Variants in CSMD1 observed in about 807,000 individuals in gnomAD.
CSMD1 encodes CUB and sushi domain-containing protein 1.
CSMD1 carries 213 observed loss-of-function variants against 417.5 expected under a neutral mutation model. The ratio of observed to expected loss-of-function variants is 0.51; its 90% CI spans 0.46 to 0.57. The LOEUF (loss-of-function observed/expected upper bound fraction) is 0.57. Among genes scored for constraint, CSMD1 ranks in the 20% least tolerant of loss-of-function variants. CSMD1 has a pLI of 0.00. For synonymous variants in CSMD1, 2,862 were observed against 1,736.8 expected (o/e 1.65, Z -16.11); for missense variants, 6,923 against 4,529.7 (o/e 1.53, Z -15.17).
intron 1 of CSMD1, among the ~76,000 whole-genome samples, chr8:4,791,415 G>C (rs1797680968): frequency 6.6e-6 from 1 of 152,216 alleles, no homozygotes; most frequent in South Asian, 2.1e-4. Flanking sequence ...TTTATGTGTT[G>C]TGGGTGGGAC....
intron 55 of CSMD1, among the ~76,000 whole-genome samples, 187 bp downstream of exon 55, chr8:2,978,425 T>A (rs1196160136): frequency 2.0e-5 from 3 of 152,168 alleles, no homozygotes; most frequent in Non-Finnish European, 2.9e-5. Context: ...CCCTTCAAAT[T>A]TGCTGAAGTT....
At chr8:3,739,900 A>C (rs924017882) in intron 6 of CSMD1, among the ~76,000 whole-genome samples, 2 of 152,184 alleles carry the variant, frequency 1.3e-5, no homozygotes, top group African/African-American at 4.8e-5. Context: ...TGCTGGTTGC[A>C]GCCTTCAAGC....
At chr8:4,216,073 G>A (rs1363435967) in intron 3 of CSMD1, among the ~76,000 whole-genome samples, 1 of 152,158 alleles carries the variant, frequency 6.6e-6, no homozygotes, top group Non-Finnish European at 1.5e-5. Flanking sequence ...AGAAAGGGAG[G>A]TCACTATGCT....
intron 6 of CSMD1, among the ~76,000 whole-genome samples, chr8:3,752,695 A>AAAAAC (rs1554531831): frequency 9.5e-6 from 1 of 105,772 alleles, no homozygotes; most frequent in Non-Finnish European, 2.2e-5. Flanking sequence ...AAAAAAAAAA[A>AAAAAC]AAAAAAAAAC....
At chr8:4,507,846 G>T (rs1244814784) in intron 2 of CSMD1, among the ~76,000 whole-genome samples, 1 of 152,140 alleles carries the variant, frequency 6.6e-6, no homozygotes, top group Admixed American at 6.5e-5. Flanking sequence ...TGGAGCTGAA[G>T]GAAAAATTAT....
chr8:4,387,713 T>G (rs1377879522), intron 3 of CSMD1, among the ~76,000 whole-genome samples: 1 of 152,076 alleles, frequency 6.6e-6, no homozygotes, highest in Non-Finnish European at 1.5e-5. Flanking sequence ...CAATAGTACT[T>G]TATTTTAGCT....
At chr8:3,526,778 T>C (rs987377327) in intron 10 of CSMD1, among the ~76,000 whole-genome samples, 8 of 152,162 alleles carry the variant, frequency 5.3e-5, no homozygotes, top group African/African-American at 1.4e-4. Context: ...AAAACACACT[T>C]CCTAGTATTT....
intron 3 of CSMD1, among the ~76,000 whole-genome samples, chr8:4,166,566 A>T (rs548498525): frequency 1.3e-5 from 2 of 152,302 alleles, no homozygotes; most frequent in African/African-American, 4.8e-5. Context: ...GAGGATACAA[A>T]GGCATGAGAA....
intron 2 of CSMD1, among the ~76,000 whole-genome samples, chr8:4,558,090 A>G (rs1272717221): frequency 2.0e-5 from 3 of 152,216 alleles, no homozygotes; most frequent in Non-Finnish European, 4.4e-5. Flanking sequence ...TTCCACAAAC[A>G]TTTACTGAAA....
At position 4,426,121 on chromosome 8, in the gene CSMD1, G is replaced by C. The variant is rs1038358333; in HGVS notation, c.303-6056C>G. 3.3e-5 allele frequency among the ~76,000 whole-genome samples: 5 copies of C among 151,644 alleles called. No individual in the cohort carries two copies. The East Asian group carries it at 9.7e-4, about 29-fold the overall frequency. On this transcript the variant is annotated intron_variant, in intron 2 of 69. Transcript: ENST00000635120. ...AAAAAATCTTATCGCCTATGGATGT[G>C]ACAGAGAGACTGACATTAATTTCCA...
At chr8:3,495,457 G>C (rs541541509) in intron 10 of CSMD1, among the ~76,000 whole-genome samples, 396 of 152,270 alleles carry the variant, frequency 2.6e-3, no homozygotes, top group African/African-American at 9.2e-3. Context: ...GTGGAAAAAG[G>C]GCCATTCTGT....
chr8:4,953,729 A>G (rs933144231), intron 1 of CSMD1, among the ~76,000 whole-genome samples: 1 of 152,174 alleles, frequency 6.6e-6, no homozygotes, highest in Non-Finnish European at 1.5e-5. Context: ...CTGTTCCAAG[A>G]TTTGGATGGA....
chr8:4,833,381 T>A (rs116274116), intron 1 of CSMD1, among the ~76,000 whole-genome samples: 1,537 of 152,194 alleles, frequency 0.01, 19 homozygotes, highest in African/African-American at 0.035. Flanking sequence ...GACAACCAGC[T>A]CTCAAGAGAA....
intron 5 of CSMD1, among the ~76,000 whole-genome samples, chr8:3,924,427 A>C (rs1809494892): frequency 6.6e-6 from 1 of 152,126 alleles, no homozygotes; most frequent in African/African-American, 2.4e-5. Flanking sequence ...AGATTTGGAA[A>C]GCTTTTGTCA....
chr8:3,674,462 A>T (rs930456966), intron 7 of CSMD1, among the ~76,000 whole-genome samples: 1 of 152,180 alleles, frequency 6.6e-6, no homozygotes, highest in Non-Finnish European at 1.5e-5. Flanking sequence ...CATTATTATT[A>T]TAAACAAAAA....
chr8:3,222,854 T>G (rs984622503), intron 28 of CSMD1, among the ~76,000 whole-genome samples: 3 of 152,214 alleles, frequency 2.0e-5, no homozygotes, highest in African/African-American at 7.2e-5. Flanking sequence ...AAAATTCTAC[T>G]GACTCAGATC....
At chr8:3,489,108 T>G (rs2055338) in intron 11 of CSMD1, among the ~76,000 whole-genome samples, 21 of 151,918 alleles carry the variant, frequency 1.4e-4, no homozygotes, top group Admixed American at 1.4e-3. Flanking sequence ...TAATGGCTCT[T>G]CAGCAGTCTT....
intron 5 of CSMD1, among the ~76,000 whole-genome samples, chr8:3,902,217 A>T (rs1807802606): frequency 6.6e-6 from 1 of 152,040 alleles, no homozygotes; most frequent in Non-Finnish European, 1.5e-5. Flanking sequence ...ATTTTCTATG[A>T]TTTTCAGCCC....
chr8:4,672,130 G>T (rs1401885341), intron 1 of CSMD1, among the ~76,000 whole-genome samples: 2 of 152,176 alleles, frequency 1.3e-5, no homozygotes, highest in Non-Finnish European at 2.9e-5. Context: ...TCTTCCCATT[G>T]CATGAGGCTC....
Sources: allele counts gnomAD v4.1 joint callset (sites outside exome capture counted in the v4.1 genomes callset), GRCh38; gene constraint gnomAD v4.1.1; transcripts MANE v1.5; gene names NCBI Gene and HGNC (gene_info 2026-07-23, HGNC 2026-07-21).